NRXN3: variants seen among roughly 807,000 people sequenced by gnomAD.
NRXN3 encodes the protein neurexin 3, also known as neurexin III.
Under a neutral mutation model 137.6 loss-of-function variants are expected in NRXN3, and 32 were observed. That is an observed-to-expected ratio of 0.23 (90% CI 0.18 to 0.31). NRXN3 has a LOEUF of 0.31. Among genes scored for constraint, NRXN3 ranks in the 10% least tolerant of loss-of-function variants. NRXN3 has a pLI of 1.00. For missense variants in NRXN3, 1,574 were observed against 2,062.5 expected (o/e 0.76, Z 4.59); for synonymous variants, 798 against 784.5 (o/e 1.02, Z -0.29).
At chr14:78,872,179 A>G (rs900964207) in intron 10 of NRXN3, among the ~76,000 whole-genome samples, 18 of 150,542 alleles carry the variant, frequency 1.2e-4, no homozygotes, top group African/African-American at 4.4e-4. Context: ...TTTTATAAAT[A>G]TCCTCAATTT....
At chr14:79,161,570 G>A (rs1403780351) in intron 15 of NRXN3, among the ~76,000 whole-genome samples, 1 of 151,938 alleles carries the variant, frequency 6.6e-6, no homozygotes, top group African/African-American at 2.4e-5. Context: ...AATGTGATTG[G>A]ATGTATGCTA....
At chr14:79,592,512 A>G (rs2097815819) in intron 16 of NRXN3, among the ~76,000 whole-genome samples, 1 of 152,156 alleles carries the variant, frequency 6.6e-6, no homozygotes, top group Non-Finnish European at 1.5e-5. Flanking sequence ...CACATTCAAT[A>G]AAAAGACTTT....
At chr14:78,819,959 C>A (rs968114025) in intron 10 of NRXN3, among the ~76,000 whole-genome samples, 1 of 152,054 alleles carries the variant, frequency 6.6e-6, no homozygotes, top group African/African-American at 2.4e-5. Flanking sequence ...ATTTGCATTC[C>A]CTCAGTGGAG....
chr14:79,834,884 T>C (rs727105), intron 20 of NRXN3, among the ~76,000 whole-genome samples: 138,133 of 152,096 alleles, frequency 0.91, 62,754 homozygotes, highest in East Asian at 0.95. Context: ...CTTTTTCGTT[T>C]CATGCCACCA....
At chr14:79,084,992 C>T (rs574740465) in intron 15 of NRXN3, among the ~76,000 whole-genome samples, 9 of 152,160 alleles carry the variant, frequency 5.9e-5, no homozygotes, top group Middle Eastern at 3.4e-3. Flanking sequence ...GCTGACGAGA[C>T]GTTTTATTTG....
intron 4 of NRXN3, among the ~76,000 whole-genome samples, chr14:78,590,962 A>T (rs1482784698): frequency 6.6e-6 from 1 of 152,178 alleles, no homozygotes; most frequent in African/African-American, 2.4e-5. Flanking sequence ...ACAACAGGAG[A>T]TGGAACAAAT....
chr14:79,255,900 C>G (rs1239499741), intron 15 of NRXN3, among the ~76,000 whole-genome samples: 1 of 152,124 alleles, frequency 6.6e-6, no homozygotes, highest in African/African-American at 2.4e-5. Flanking sequence ...CAGATTTCCT[C>G]AGTTTTGATC....
intron 16 of NRXN3, among the ~76,000 whole-genome samples, chr14:79,515,527 C>G (rs1284912670): frequency 6.7e-6 from 1 of 150,132 alleles, no homozygotes; most frequent in South Asian, 2.1e-4. Context: ...AGGAAGATGG[C>G]ACATCACAGT....
At chr14:78,895,396 T>G (rs154392) in intron 10 of NRXN3, among the ~76,000 whole-genome samples, 72,714 of 151,748 alleles carry the variant, frequency 0.48, 21,402 homozygotes, top group African/African-American at 0.84. Context: ...TTTTTCTGCA[T>G]CTTCCTCACC....
intron 19 of NRXN3, among the ~76,000 whole-genome samples, chr14:79,800,911 T>C (rs1791356120): frequency 6.6e-6 from 1 of 152,258 alleles, no homozygotes; most frequent in Non-Finnish European, 1.5e-5. Context: ...TTGGATTTTC[T>C]AGATGTTAGG....
intron 10 of NRXN3, among the ~76,000 whole-genome samples, chr14:78,871,098 C>A (rs919565633): frequency 6.8e-6 from 1 of 147,148 alleles, no homozygotes; most frequent in African/African-American, 2.5e-5. Context: ...ATTACTAGAT[C>A]ATATGGTAGT....
intron 19 of NRXN3, among the ~76,000 whole-genome samples, chr14:79,715,192 A>T (rs992018934): frequency 2.0e-5 from 3 of 152,070 alleles, no homozygotes; most frequent in African/African-American, 7.2e-5. Context: ...TGACCTCGTG[A>T]TCCACCCACC....
At chr14:78,384,251 A>G (rs1254754663) in intron 4 of NRXN3, among the ~76,000 whole-genome samples, 2 of 152,066 alleles carry the variant, frequency 1.3e-5, no homozygotes, top group Non-Finnish European at 2.9e-5. Context: ...GAAGTATCCA[A>G]TTGGTTGAGC....
intron 19 of NRXN3, among the ~76,000 whole-genome samples, chr14:79,740,749 T>TAA (rs2098960113): frequency 1.1e-4 from 7 of 61,628 alleles, no homozygotes; most frequent in Non-Finnish European, 2.3e-4. Context: ...TATATATATA[T>TAA]ATATATATAT....
At chr14:78,612,492 G>A (rs1050013324) in intron 4 of NRXN3, among the ~76,000 whole-genome samples, 11 of 152,284 alleles carry the variant, frequency 7.2e-5, no homozygotes, top group African/African-American at 2.4e-4. Context: ...GTACTTCCCA[G>A]CAAATATTTT....
chr14:78,953,471 C>T (rs2099390845), intron 10 of NRXN3, among the ~76,000 whole-genome samples: 1 of 152,170 alleles, frequency 6.6e-6, no homozygotes, highest in South Asian at 2.1e-4. Flanking sequence ...AGCCTTACCT[C>T]AAAGAGATGG....
At chr14:79,367,185 G>A (rs182765700) in intron 15 of NRXN3, among the ~76,000 whole-genome samples, 1 of 152,034 alleles carries the variant, frequency 6.6e-6, no homozygotes, top group East Asian at 1.9e-4. Flanking sequence ...GGGTTTTACT[G>A]TGTTAGCCAG....
At chr14:78,759,052 A>C (rs1238769405) in intron 8 of NRXN3, among the ~76,000 whole-genome samples, 3 of 152,332 alleles carry the variant, frequency 2.0e-5, no homozygotes, top group Admixed American at 2.0e-4. Context: ...GTAGGAAAAA[A>C]AGATGTTCTC....
At chr14:79,755,141 A>C (rs1394067685) in intron 19 of NRXN3, among the ~76,000 whole-genome samples, 1 of 152,162 alleles carries the variant, frequency 6.6e-6, no homozygotes, top group Non-Finnish European at 1.5e-5. Context: ...AGTGACTCAA[A>C]GTCAAGATGA....
Sources: gnomAD v4.1 joint callset for allele counts (sites outside exome capture counted in the v4.1 genomes callset) on GRCh38, gnomAD v4.1.1 for gene constraint, MANE v1.5 for transcripts, NCBI Gene and HGNC (gene_info 2026-07-23, HGNC 2026-07-21) for gene names.